GPC5: variants seen among roughly 807,000 people sequenced by gnomAD.
GPC5 encodes glypican-5.
In GPC5, 47 loss-of-function variants were observed where a neutral mutation model predicts 53.9. That is an observed-to-expected ratio of 0.87 (90% CI 0.69 to 1.11). GPC5 has a LOEUF of 1.11. Among genes scored for constraint, GPC5 ranks in the 50% most tolerant of loss-of-function variants. GPC5 has a pLI of 0.00. For synonymous variants in GPC5, 286 were observed against 263.3 expected, an observed-to-expected ratio of 1.09 and a Z score of -0.84; for missense variants, 748 against 713.1, an observed-to-expected ratio of 1.05 and a Z score of -0.56.
At chr13:92,608,947 A>G (rs1884345390) in intron 7 of GPC5, among the ~76,000 whole-genome samples, 1 of 152,158 alleles carries the variant, frequency 6.6e-6, no homozygotes, top group Non-Finnish European at 1.5e-5. Context: ...TCTCTTTGTC[A>G]TGAATATCCT....
intron 2 of GPC5, among the ~76,000 whole-genome samples, chr13:91,499,363 A>G (rs1201351782): frequency 2.6e-5 from 4 of 152,136 alleles, no homozygotes; most frequent in African/African-American, 4.8e-5. Flanking sequence ...ATATTGAAAC[A>G]AGAGAGGGAG....
intron 2 of GPC5, among the ~76,000 whole-genome samples, chr13:91,621,164 C>G (rs147264631): frequency 1.3e-5 from 2 of 151,932 alleles, no homozygotes; most frequent in Non-Finnish European, 2.9e-5. Context: ...AGAATGAAAA[C>G]AAAAAAACAT....
chr13:91,719,221 T>A (rs981116978), intron 3 of GPC5, among the ~76,000 whole-genome samples: 5 of 152,254 alleles, frequency 3.3e-5, no homozygotes, highest in Non-Finnish European at 7.3e-5. Flanking sequence ...GTTGCCCGTT[T>A]GCTCTGGTGA....
At chr13:92,825,647 T>C (rs1032771082) in intron 7 of GPC5, among the ~76,000 whole-genome samples, 2 of 152,142 alleles carry the variant, frequency 1.3e-5, no homozygotes, top group Non-Finnish European at 2.9e-5. Context: ...AAAAGTGCTG[T>C]CTACTGAGAA....
chr13:91,645,720 T>A (rs1393286981), intron 2 of GPC5, among the ~76,000 whole-genome samples: 1 of 152,246 alleles, frequency 6.6e-6, no homozygotes, highest in Non-Finnish European at 1.5e-5. Flanking sequence ...TGTATGTATC[T>A]GTGGGATGCC....
chr13:92,305,688 A>G (rs1022751395), intron 7 of GPC5, among the ~76,000 whole-genome samples: 19 of 152,160 alleles, frequency 1.2e-4, no homozygotes, highest in African/African-American at 4.6e-4. Flanking sequence ...CTTTTCTTTA[A>G]CAACTAGTTA....
intron 7 of GPC5, among the ~76,000 whole-genome samples, chr13:92,373,721 A>G (rs2043669729): frequency 6.6e-6 from 1 of 152,224 alleles, no homozygotes; most frequent in African/African-American, 2.4e-5. Flanking sequence ...CTGAAATTGT[A>G]TACATCACAA....
chr13:92,294,335 T>G (rs1335270717), intron 7 of GPC5, among the ~76,000 whole-genome samples: 1 of 152,122 alleles, frequency 6.6e-6, no homozygotes, highest in Non-Finnish European at 1.5e-5. Context: ...AGTTTTTTGT[T>G]GTTGTTGTTG....
chr13:92,042,469 C>T (rs1594740386), intron 6 of GPC5, among the ~76,000 whole-genome samples: 2 of 151,886 alleles, frequency 1.3e-5, no homozygotes, highest in African/African-American at 4.8e-5. Context: ...CCTGAGTTAC[C>T]TGGATCCCTA....
At chr13:91,872,216 T>G (rs1043919973) in intron 5 of GPC5, among the ~76,000 whole-genome samples, 47 of 151,808 alleles carry the variant, frequency 3.1e-4, no homozygotes, top group Non-Finnish European at 2.4e-4. Context: ...GGCTAAGGAG[T>G]ACAGTAGCAA....
intron 7 of GPC5, among the ~76,000 whole-genome samples, chr13:92,373,818 C>T (rs559547468): frequency 3.3e-5 from 5 of 152,272 alleles, no homozygotes; most frequent in South Asian, 2.1e-4. Flanking sequence ...GGGACAAATT[C>T]TGCCACAACT....
chr13:92,311,179 G>A (rs919215172), intron 7 of GPC5, among the ~76,000 whole-genome samples: 1 of 152,060 alleles, frequency 6.6e-6, no homozygotes, highest in African/African-American at 2.4e-5. Flanking sequence ...ATTAATTGAG[G>A]TAATGTTAAA....
intron 6 of GPC5, among the ~76,000 whole-genome samples, chr13:91,962,430 C>A (rs1401972345): frequency 6.6e-6 from 1 of 151,942 alleles, no homozygotes; most frequent in Non-Finnish European, 1.5e-5. Flanking sequence ...AAATTAATTT[C>A]CTTTTAGTGT....
chr13:92,201,313 T>C (rs534895702), intron 7 of GPC5, among the ~76,000 whole-genome samples: 2 of 152,170 alleles, frequency 1.3e-5, no homozygotes, highest in Non-Finnish European at 2.9e-5. Context: ...TGACACTTGG[T>C]TAAATCTAAT....
intron 7 of GPC5, among the ~76,000 whole-genome samples, chr13:92,322,393 C>G (rs972275590): frequency 2.2e-4 from 34 of 151,888 alleles, no homozygotes; most frequent in African/African-American, 7.7e-4. Context: ...AATTGTATGA[C>G]AAAGAAAAGG....
chr13:92,289,909 T>G (rs562704224), intron 7 of GPC5, among the ~76,000 whole-genome samples: 2 of 152,270 alleles, frequency 1.3e-5, no homozygotes, highest in Admixed American at 6.5e-5. Context: ...CTAACAAATA[T>G]CCATTCTAAA....
chr13:91,985,304 GTCA>G (rs2040396385), intron 6 of GPC5, among the ~76,000 whole-genome samples: 1 of 149,512 alleles, frequency 6.7e-6, no homozygotes, highest in Non-Finnish European at 1.5e-5. Flanking sequence ...TATATGTTTT[GTCA>G]TCATTTACTT....
intron 2 of GPC5, among the ~76,000 whole-genome samples, chr13:91,540,202 A>C (rs1594227253): frequency 6.6e-6 from 1 of 152,174 alleles, no homozygotes; most frequent in Non-Finnish European, 1.5e-5. Context: ...TTACTTATCA[A>C]AACTAACAGC....
intron 7 of GPC5, among the ~76,000 whole-genome samples, chr13:92,456,524 G>A (rs1209817730): frequency 2.0e-5 from 3 of 152,104 alleles, no homozygotes; most frequent in South Asian, 2.1e-4. Context: ...CATAATTCAT[G>A]AGGCCAGTGC....
Sources: allele counts gnomAD v4.1 joint callset (sites outside exome capture counted in the v4.1 genomes callset), GRCh38; gene constraint gnomAD v4.1.1; transcripts MANE v1.5; gene names NCBI Gene and HGNC (gene_info 2026-07-23, HGNC 2026-07-21).